Variants in CNTN5 observed in about 807,000 individuals in gnomAD.
CNTN5 encodes contactin 5.
Under a neutral mutation model 129.1 loss-of-function variants are expected in CNTN5, and 77 were observed. The ratio of observed to expected loss-of-function variants is 0.60; its 90% CI spans 0.50 to 0.72. CNTN5 has a LOEUF of 0.72. Ranked by LOEUF, CNTN5 falls within the 30% of genes least tolerant of loss-of-function variation. The probability of loss-of-function intolerance (pLI) is 0.00; values close to 1 mark genes in which losing one functional copy is unlikely to be tolerated. For missense variants in CNTN5, 1,478 were observed against 1,328.8 expected, an observed-to-expected ratio of 1.11 and a Z score of -1.75; for synonymous variants, 509 against 465.6, an observed-to-expected ratio of 1.09 and a Z score of -1.20.
intron 3 of CNTN5, among the ~76,000 whole-genome samples, chr11:99,582,789 G>A (rs933257539): frequency 1.3e-5 from 2 of 152,054 alleles, no homozygotes; most frequent in Non-Finnish European, 2.9e-5. Flanking sequence ...TTAGCTCAGA[G>A]TAGTTTGATC....
At chr11:99,856,735 G>T (rs890460978) in intron 6 of CNTN5, among the ~76,000 whole-genome samples, 1 of 152,050 alleles carries the variant, frequency 6.6e-6, no homozygotes, top group Admixed American at 6.6e-5. Flanking sequence ...CAGGGTTAAT[G>T]GCTTATGAAA....
intron 3 of CNTN5, among the ~76,000 whole-genome samples, chr11:99,653,000 G>C (rs1029543230): frequency 6.6e-6 from 1 of 151,876 alleles, no homozygotes; most frequent in African/African-American, 2.4e-5. Context: ...AACATTTGCT[G>C]ATTTAAATGA....
At chr11:99,647,172 T>C (rs1320229999) in intron 3 of CNTN5, among the ~76,000 whole-genome samples, 1 of 152,122 alleles carries the variant, frequency 6.6e-6, no homozygotes, top group Non-Finnish European at 1.5e-5. Context: ...AAGTCTTACA[T>C]TGAGGTCTTC....
At chr11:100,085,356 A>C (rs1437432343) in intron 13 of CNTN5, among the ~76,000 whole-genome samples, 1 of 152,000 alleles carries the variant, frequency 6.6e-6, no homozygotes, top group Non-Finnish European at 1.5e-5. Flanking sequence ...AGCACAACAA[A>C]ACTTCATATT....
At chr11:99,647,014 G>A (rs1201697977) in intron 3 of CNTN5, among the ~76,000 whole-genome samples, 1 of 151,198 alleles carries the variant, frequency 6.6e-6, no homozygotes, top group East Asian at 2.0e-4. Context: ...CCTTTGCCAT[G>A]TACAAGCTTA....
At chr11:100,008,839 C>A (rs762242824) in intron 9 of CNTN5, among the ~76,000 whole-genome samples, 2 of 151,980 alleles carry the variant, frequency 1.3e-5, no homozygotes, top group Non-Finnish European at 2.9e-5. Context: ...TAGGAAATTT[C>A]TTTGATTTTT....
intron 13 of CNTN5, among the ~76,000 whole-genome samples, chr11:100,090,240 A>G (rs1011537653): frequency 2.0e-5 from 3 of 152,106 alleles, no homozygotes; most frequent in African/African-American, 7.2e-5. Context: ...CACAACCAAC[A>G]TCATACTGAA....
intron 9 of CNTN5, among the ~76,000 whole-genome samples, chr11:100,031,441 G>C (rs944411066): frequency 6.6e-6 from 1 of 152,094 alleles, no homozygotes; most frequent in African/African-American, 2.4e-5. Flanking sequence ...AATGGAATGC[G>C]ACCCTTGTGG....
At chr11:99,580,370 T>G (rs979738303) in intron 3 of CNTN5, among the ~76,000 whole-genome samples, 3 of 152,228 alleles carry the variant, frequency 2.0e-5, no homozygotes, top group African/African-American at 7.2e-5. Flanking sequence ...GGATTCCCTC[T>G]TTTTCTATTA....
chr11:99,040,763 C>T (rs1278684324), intron 1 of CNTN5, among the ~76,000 whole-genome samples: 1 of 152,034 alleles, frequency 6.6e-6, no homozygotes, highest in African/African-American at 2.4e-5. Flanking sequence ...CTTGCAATAT[C>T]AATTTTTAAA....
intron 2 of CNTN5, among the ~76,000 whole-genome samples, chr11:99,437,329 C>T (rs1441809432): frequency 6.6e-6 from 1 of 152,092 alleles, no homozygotes; most frequent in Non-Finnish European, 1.5e-5. Flanking sequence ...TTCTAAGATG[C>T]TCCTTTCTTT....
chr11:99,836,691 A>C (rs1490829831), intron 4 of CNTN5, among the ~76,000 whole-genome samples: 1 of 152,064 alleles, frequency 6.6e-6, no homozygotes, highest in Non-Finnish European at 1.5e-5. Flanking sequence ...TGGTATTTCT[A>C]GTTCTAGATC....
intron 10 of CNTN5, among the ~76,000 whole-genome samples, chr11:100,064,634 C>T (rs1943623438): frequency 6.6e-6 from 1 of 152,046 alleles, no homozygotes; most frequent in African/African-American, 2.4e-5. Context: ...ATAGGATTTT[C>T]ATGGGTTAAG....
At chr11:100,034,832 C>A (rs777741341) in intron 9 of CNTN5, among the ~76,000 whole-genome samples, 1 of 152,164 alleles carries the variant, frequency 6.6e-6, no homozygotes, top group Non-Finnish European at 1.5e-5. Flanking sequence ...AACACTTCAA[C>A]GTTTTCAGTA....
chr11:99,527,441 T>A (rs917677159), intron 2 of CNTN5, among the ~76,000 whole-genome samples: 2 of 152,164 alleles, frequency 1.3e-5, no homozygotes, highest in Non-Finnish European at 2.9e-5. Flanking sequence ...AATTATAATT[T>A]CTTTAAAATT....
At chr11:99,523,786 G>A (rs67752564) in intron 2 of CNTN5, among the ~76,000 whole-genome samples, 38,328 of 151,836 alleles carry the variant, frequency 0.25, 5,523 homozygotes, top group East Asian at 0.33. Context: ...TCTAGGAAGC[G>A]TGATTGAGCA....
chr11:99,054,445 A>G (rs1040089142), intron 1 of CNTN5, among the ~76,000 whole-genome samples: 2 of 151,984 alleles, frequency 1.3e-5, no homozygotes, highest in African/African-American at 2.4e-5. Context: ...ATAGGAACCT[A>G]TGTCTGCCCT....
chr11:99,168,229 T>C (rs1860971754), intron 1 of CNTN5, among the ~76,000 whole-genome samples: 1 of 151,986 alleles, frequency 6.6e-6, no homozygotes, highest in South Asian at 2.1e-4. Flanking sequence ...CAGGAGTGAG[T>C]CACCACACCT....
intron 1 of CNTN5, among the ~76,000 whole-genome samples, chr11:99,066,110 C>G (rs1206845064): frequency 6.6e-6 from 1 of 151,940 alleles, no homozygotes; most frequent in Non-Finnish European, 1.5e-5. Flanking sequence ...TAGTATTTAT[C>G]CTTTTTGTTT....
Sources: allele counts gnomAD v4.1 joint callset (sites outside exome capture counted in the v4.1 genomes callset), GRCh38; gene constraint gnomAD v4.1.1; transcripts MANE v1.5; gene names NCBI Gene and HGNC (gene_info 2026-07-23, HGNC 2026-07-21).